The following ZP3 variants were observed in gnomAD, a reference collection of about 807,000 sequenced individuals.
ZP3 encodes the protein zona pellucida glycoprotein 3.
In ZP3, 21 loss-of-function variants were observed where a neutral mutation model predicts 35.6. The observed-to-expected ratio is 0.59, with a 90% CI of 0.42 to 0.85. ZP3 has a LOEUF of 0.85. Among genes scored for constraint, ZP3 ranks in the 40% least tolerant of loss-of-function variants. The probability of loss-of-function intolerance (pLI) is 0.00; values close to 1 mark genes in which losing one functional copy is unlikely to be tolerated. For synonymous variants in ZP3, 207 were observed against 214.5 expected, an observed-to-expected ratio of 0.96 and a Z score of 0.31; for missense variants, 437 against 536.5, an observed-to-expected ratio of 0.81 and a Z score of 1.83.
intron 1 of ZP3, among the ~76,000 whole-genome samples, chr7:76,426,193 G>T (rs887198140): frequency 3.3e-5 from 5 of 152,130 alleles, no homozygotes; most frequent in African/African-American, 1.2e-4. Context: ...CAGCTCCAAG[G>T]GGGAGAGGCT....
intron 1 of ZP3, among the ~76,000 whole-genome samples, chr7:76,425,833 T>A (rs1206733173): frequency 6.6e-6 from 1 of 151,882 alleles, no homozygotes; most frequent in Non-Finnish European, 1.5e-5. Context: ...GGGCCTGGTG[T>A]GGTGGCTCAC....
rs1453434273 is a variant in ZP3 at position 76,402,201 on chromosome 7, G to A, written c.-67+4404G>A. Among the ~76,000 whole-genome samples, 5 of 67,438 alleles carry A rather than the reference G, an allele frequency of 7.4e-5. No homozygotes were observed. In the Admixed American group the frequency reaches 8.2e-4, roughly 11 times the overall value. The allele number at this position is 67,438 out of a possible 152,430, so 44.2% of individuals were successfully genotyped here. On this transcript the variant is annotated intron_variant, in intron 1 of 8. Transcript: ENST00000336517. The stretch of plus-strand genomic sequence containing the variant: ...CCAGCTATTTTTTTTTTTTTTTTTT[G>A]AGACAGAGTCTTACTCCATTCAGGC...
At chr7:76,420,700 T>C (rs1805484141), upstream of ZP3, among the ~76,000 whole-genome samples, 1 of 152,098 alleles carries the variant, frequency 6.6e-6, no homozygotes, top group Admixed American at 6.6e-5. Flanking sequence ...CACAGAGAGT[T>C]TTTTATGTTT....
intron 1 of ZP3, among the ~76,000 whole-genome samples, chr7:76,427,306 G>A (rs1437948210): frequency 6.6e-6 from 1 of 152,100 alleles, no homozygotes; most frequent in African/African-American, 2.4e-5. Context: ...CACGAGGTCA[G>A]GAGTTCAAGA....
chr7:76,418,484 G>A (rs1805426635), intron 1 of ZP3, among the ~76,000 whole-genome samples: 1 of 149,196 alleles, frequency 6.7e-6, no homozygotes, highest in Admixed American at 6.9e-5. Context: ...CTGAAAGGCG[G>A]AGGTTGCAGT....
chr7:76,406,643 C>G (rs111848283), intron 1 of ZP3, among the ~76,000 whole-genome samples: 4,030 of 151,894 alleles, frequency 0.027, 139 homozygotes, highest in African/African-American at 0.086. Context: ...ACCACCACAC[C>G]CAGCTAATTA....
chr7:76,400,433 G>A, intron 1 of ZP3: 1 of 1,607,172 alleles, frequency 6.2e-7, no homozygotes, highest in Non-Finnish European at 8.5e-7. Context: ...AAGGCAAGGG[G>A]CCGTGGCACG....
chr7:76,410,640 C>T (rs1393390954), intron 1 of ZP3, among the ~76,000 whole-genome samples: 2 of 151,928 alleles, frequency 1.3e-5, no homozygotes, highest in Admixed American at 6.6e-5. Flanking sequence ...AGTGTGGGCC[C>T]GGCAGGACTT....
intron 7 of ZP3, among the ~76,000 whole-genome samples, chr7:76,441,180 A>C (rs1424385016): frequency 2.0e-5 from 3 of 150,758 alleles, no homozygotes; most frequent in Non-Finnish European, 4.5e-5. Flanking sequence ...TCAAAAAAAA[A>C]ATAATAATCT....
chr7:76,406,893 T>C (rs1805052792), intron 1 of ZP3, among the ~76,000 whole-genome samples: 1 of 152,136 alleles, frequency 6.6e-6, no homozygotes, highest in South Asian at 2.1e-4. Flanking sequence ...TTGTGTGTCA[T>C]GGTAACTATG....
chr7:76,436,542 ACCT>A (rs1806020484), intron 5 of ZP3, among the ~76,000 whole-genome samples: 1 of 152,228 alleles, frequency 6.6e-6, no homozygotes, highest in Admixed American at 6.5e-5. Flanking sequence ...ATGCCACTTC[ACCT>A]CCTCCAGCAG....
chr7:76,400,650 A>G (rs1804791896), intron 1 of ZP3: 1 of 1,388,110 alleles, frequency 7.2e-7, no homozygotes, highest in Non-Finnish European at 9.5e-7. Flanking sequence ...CAGCATGCCC[A>G]CTCCAGGATG....
upstream of ZP3, among the ~76,000 whole-genome samples, chr7:76,424,497 C>T (rs920032269): frequency 6.6e-6 from 1 of 152,066 alleles, no homozygotes; most frequent in African/African-American, 2.4e-5. Context: ...GGCGCGGTGG[C>T]GCATGCCTTC....
intron 1 of ZP3, among the ~76,000 whole-genome samples, chr7:76,418,753 A>G (rs984132671): frequency 5.5e-5 from 8 of 145,846 alleles, no homozygotes; most frequent in African/African-American, 1.0e-4. Context: ...CTACTTGGGA[A>G]GCTGAGGCAG....
chr7:76,418,550 CAAAAAA>C (rs1203476650), intron 1 of ZP3, among the ~76,000 whole-genome samples: 1 of 30,040 alleles, frequency 3.3e-5, no homozygotes, highest in East Asian at 1.6e-3. Context: ...GATTTCATCT[CAAAAAA>C]AAAAAAAAAA....
At chr7:76,409,983 G>A (rs776739755) in intron 1 of ZP3, among the ~76,000 whole-genome samples, 3 of 152,126 alleles carry the variant, frequency 2.0e-5, no homozygotes, top group Non-Finnish European at 2.9e-5. Flanking sequence ...ACATAGACAG[G>A]ACCTCACAAC....
At chr7:76,398,307 C>CTTTTTTT (rs1309414426) in intron 1 of ZP3, among the ~76,000 whole-genome samples, 3 of 132,776 alleles carry the variant, frequency 2.3e-5, no homozygotes, top group Non-Finnish European at 3.2e-5. Flanking sequence ...CATTCATTTT[C>CTTTTTTT]TATTTTTTTT....
intron 1 of ZP3, among the ~76,000 whole-genome samples, chr7:76,412,480 T>C (rs1805272501): frequency 6.6e-6 from 1 of 152,192 alleles, no homozygotes; most frequent in South Asian, 2.1e-4. Context: ...CTTAATTGTA[T>C]ATGATAAAAT....
intron 3 of ZP3, 94 bp downstream of exon 3, chr7:76,433,124 T>TGGTTTTGGTTGGTTTTGGTTGGTTTTGG (rs1554625758): frequency 7.4e-6 from 5 of 673,476 alleles, no homozygotes; most frequent in African/African-American, 3.8e-5. Flanking sequence ...TTTGTTTGGT[T>TGGTTTTGGTTGGTTTTGGTTGGTTTTGG]TTGGTTTTGG....
Sources: allele counts gnomAD v4.1 joint callset (sites outside exome capture counted in the v4.1 genomes callset), GRCh38; gene constraint gnomAD v4.1.1; transcripts MANE v1.5; gene names NCBI Gene and HGNC (gene_info 2026-07-23, HGNC 2026-07-21).